Variants in MPPED2 observed in about 807,000 individuals in gnomAD.
MPPED2 encodes the protein metallophosphoesterase MPPED2.
A neutral mutation model predicts 33.0 loss-of-function variants in MPPED2; 5 were observed. That is an observed-to-expected ratio of 0.15 (90% confidence interval 0.08 to 0.32). MPPED2 has a LOEUF of 0.32. Among genes scored for constraint, MPPED2 ranks in the 10% least tolerant of loss-of-function variants. MPPED2 has a pLI of 1.00. For synonymous variants in MPPED2, 136 were observed against 141.9 expected, an observed-to-expected ratio of 0.96 and a Z score of 0.29; for missense variants, 275 against 372.1, an observed-to-expected ratio of 0.74 and a Z score of 2.15.
chr11:30,565,811 G>A (rs1341627529), intron 2 of MPPED2, among the ~76,000 whole-genome samples: 1 of 152,020 alleles, frequency 6.6e-6, no homozygotes, highest in Admixed American at 6.6e-5. Flanking sequence ...GCTTTTCAAG[G>A]TGTTGACAGT....
intron 2 of MPPED2, among the ~76,000 whole-genome samples, chr11:30,539,355 G>A (rs1954978125): frequency 6.6e-6 from 1 of 152,208 alleles, no homozygotes; most frequent in Non-Finnish European, 1.5e-5. Context: ...ATCCTAGCAA[G>A]TGAGTATCTT....
chr11:30,485,084 AACAT>A (rs1951659717), intron 4 of MPPED2, among the ~76,000 whole-genome samples: 1 of 152,230 alleles, frequency 6.6e-6, no homozygotes, highest in Non-Finnish European at 1.5e-5. Flanking sequence ...CCAGGAACTT[AACAT>A]ACATGATCTT....
At chr11:30,535,854 G>C in intron 3 of MPPED2, 140 bp downstream of exon 3, 1 of 595,060 alleles carries the variant, frequency 1.7e-6, no homozygotes, top group South Asian at 3.8e-5. Context: ...AACAGAATTG[G>C]ATTAAAGCTA....
chr11:30,483,085 A>C (rs1024293111), intron 4 of MPPED2, among the ~76,000 whole-genome samples: 1 of 152,226 alleles, frequency 6.6e-6, no homozygotes, highest in African/African-American at 2.4e-5. Context: ...CTGCTATGAA[A>C]GCCGGCAACC....
chr11:30,397,084 C>T (rs1947848136), intron 6 of MPPED2, among the ~76,000 whole-genome samples: 1 of 152,006 alleles, frequency 6.6e-6, no homozygotes, highest in South Asian at 2.1e-4. Context: ...TAAATTGTAA[C>T]ATTAAAAACC....
intron 3 of MPPED2, among the ~76,000 whole-genome samples, chr11:30,512,612 T>A (rs1291423580): frequency 7.2e-5 from 11 of 152,178 alleles, no homozygotes; most frequent in Non-Finnish European, 1.6e-4. Flanking sequence ...GAACCGGGAT[T>A]GTACAAACCC....
intron 3 of MPPED2, among the ~76,000 whole-genome samples, chr11:30,512,861 T>C (rs1953298794): frequency 6.6e-6 from 1 of 151,884 alleles, no homozygotes; most frequent in Non-Finnish European, 1.5e-5. Context: ...ATTAGCCAAA[T>C]GTGGTGGTGT....
At chr11:30,405,095 C>T (rs1179374355) in intron 6 of MPPED2, among the ~76,000 whole-genome samples, 1 of 152,108 alleles carries the variant, frequency 6.6e-6, no homozygotes, top group African/African-American at 2.4e-5. Context: ...AAAAGGCTTC[C>T]AGAAAATAGG....
intron 3 of MPPED2, among the ~76,000 whole-genome samples, chr11:30,504,401 A>G (rs1162495104): frequency 2.0e-5 from 3 of 152,192 alleles, no homozygotes; most frequent in Non-Finnish European, 2.9e-5. Flanking sequence ...GAGACATTTC[A>G]TCTAAATTCC....
rs376482299 is a variant in MPPED2, at chr11:30,475,262, C to T, written c.536+20034G>A. On this transcript the variant is annotated intron_variant, in intron 4 of 6. Coordinates refer to ENST00000358117, the MANE Select transcript of MPPED2 (RefSeq NM_001584.3). ...TAAGCCCCAGAAGATGACATTCAGC[C>T]GAATATCCTTCTCAAAAAAATTTTA... 6.3e-4 allele frequency among the ~76,000 whole-genome samples: 96 copies of T among 151,956 alleles called. 2 individuals are homozygous for T. In the South Asian group the frequency reaches 0.019, roughly 30 times the overall value.
chr11:30,536,815 A>T (rs1022035728), intron 2 of MPPED2, among the ~76,000 whole-genome samples: 4 of 152,182 alleles, frequency 2.6e-5, no homozygotes, highest in Non-Finnish European at 5.9e-5. Flanking sequence ...CTGGATGTTA[A>T]AAGAACTTTG....
intron 2 of MPPED2, among the ~76,000 whole-genome samples, chr11:30,567,519 C>G (rs1363879558): frequency 1.3e-5 from 2 of 152,074 alleles, no homozygotes; most frequent in Non-Finnish European, 2.9e-5. Context: ...CCAATCTCCT[C>G]CCTCCAGTTT....
intron 5 of MPPED2, among the ~76,000 whole-genome samples, chr11:30,415,253 T>C (rs1483424724): frequency 2.6e-5 from 4 of 152,190 alleles, no homozygotes; most frequent in African/African-American, 7.2e-5. Flanking sequence ...ACATATTCGC[T>C]GGGGTTTAAG....
chr11:30,551,959 T>C (rs1008819989), intron 2 of MPPED2, among the ~76,000 whole-genome samples: 10 of 152,176 alleles, frequency 6.6e-5, no homozygotes, highest in African/African-American at 2.2e-4. Context: ...CTCTGCAAAA[T>C]TTCTCAGGAT....
intron 4 of MPPED2, among the ~76,000 whole-genome samples, chr11:30,487,223 A>G (rs1174735126): frequency 6.6e-6 from 1 of 152,226 alleles, no homozygotes; most frequent in Non-Finnish European, 1.5e-5. Context: ...CCAGCCAGCC[A>G]TGTCCCAAAG....
At chr11:30,407,693 G>A (rs1051244203), downstream of MPPED2, among the ~76,000 whole-genome samples, 1 of 152,034 alleles carries the variant, frequency 6.6e-6, no homozygotes, top group Non-Finnish European at 1.5e-5. Context: ...GCAACATGGG[G>A]AAATCCTGTC....
intron 2 of MPPED2, among the ~76,000 whole-genome samples, chr11:30,556,821 T>C (rs1955984815): frequency 6.6e-6 from 1 of 152,202 alleles, no homozygotes; most frequent in South Asian, 2.1e-4. Flanking sequence ...CTGTAGATTT[T>C]GCCTTGTCTG....
intron 2 of MPPED2, among the ~76,000 whole-genome samples, chr11:30,537,581 G>C (rs1954881204): frequency 6.6e-6 from 1 of 152,162 alleles, no homozygotes; most frequent in Non-Finnish European, 1.5e-5. Flanking sequence ...AACCTGGATA[G>C]TCCCACATTT....
intron 4 of MPPED2, among the ~76,000 whole-genome samples, chr11:30,449,022 G>A (rs1345860931): frequency 6.6e-6 from 1 of 152,070 alleles, no homozygotes; most frequent in East Asian, 1.9e-4. Flanking sequence ...CATAACTCTG[G>A]ATTATTTTGT....
Sources: allele counts gnomAD v4.1 joint callset (sites outside exome capture counted in the v4.1 genomes callset), GRCh38; gene constraint gnomAD v4.1.1; transcripts MANE v1.5; gene names NCBI Gene and HGNC (gene_info 2026-07-23, HGNC 2026-07-21).